MOSMO: variants seen among roughly 807,000 people sequenced by gnomAD.
MOSMO encodes modulator of smoothened protein.
In MOSMO, 5 loss-of-function variants were observed where a neutral mutation model predicts 18.4. The observed-to-expected ratio is 0.27, with a 90% CI of 0.14 to 0.57. The LOEUF (loss-of-function observed/expected upper bound fraction) is 0.57. MOSMO is among the 20% of genes least tolerant of loss of function. MOSMO has a pLI of 0.92. For missense variants in MOSMO, 138 were observed against 211.8 expected, an observed-to-expected ratio of 0.65 and a Z score of 2.16; for synonymous variants, 82 against 82.3, an observed-to-expected ratio of 1.00 and a Z score of 0.02.
At position 22,075,862 on chromosome 16, in the gene MOSMO, A is replaced by C. The variant is rs1464018623; in HGVS notation, c.319+163A>C. 15 of 571,388 alleles carry C rather than the reference A, an allele frequency of 2.6e-5. No homozygotes were observed. The East Asian group carries it at 4.5e-4, about 17-fold the overall frequency. 35.4% of individuals were successfully genotyped at this position (571,388 alleles called of 1,614,324 possible). A position where few individuals can be genotyped will look rare whatever the true frequency, so the allele number is the denominator to read the frequency against. On this transcript the variant is annotated intron_variant, in intron 2 of 2. Transcript: ENST00000542527. ...TCTACACAGTCCCATCATTTCTTCAAAACTCTTTCTGCAAGACCAGGACAT... is the reference window on the plus strand; with the variant it reads ...TCTACACAGTCCCATCATTTCTTCACAACTCTTTCTGCAAGACCAGGACAT...
At chr16:22,073,671 T>C (rs1350645469) in intron 1 of MOSMO, among the ~76,000 whole-genome samples, 2 of 151,884 alleles carry the variant, frequency 1.3e-5, no homozygotes, top group Admixed American at 1.3e-4. Context: ...ACCGTGAAAC[T>C]TAAAAGGTTA....
Position 22,020,201 on chromosome 16 carries a change from G to A in MOSMO, c.106+11794G>A, listed in dbSNP as rs566994824. Among the ~76,000 whole-genome samples the A allele has an allele frequency of 2.7e-4, 37 of 134,814 alleles. No individual in the cohort carries two copies. In the South Asian group the frequency reaches 4.5e-3, roughly 16 times the overall value. The allele number at this position is 134,814 out of a possible 152,430, so 88.4% of individuals were successfully genotyped here. A position where few individuals can be genotyped will look rare whatever the true frequency, so the allele number is the denominator to read the frequency against. ...GCACTCCAGCCTGGGCAACAAGAGC[G>A]AAAACTCCATCTCCAAAAAAAAAAA... On this transcript the variant is annotated intron_variant, in intron 1 of 2. Coordinates refer to ENST00000542527, the MANE Select transcript of MOSMO (RefSeq NM_001164579.2).
intron 1 of MOSMO, among the ~76,000 whole-genome samples, chr16:22,073,227 A>G (rs939602928): frequency 2.0e-5 from 3 of 152,034 alleles, no homozygotes; most frequent in Admixed American, 2.0e-4. Context: ...AATGTTTACC[A>G]GCAAAAAAAA....
At chr16:22,008,919 C>T (rs997702327) in intron 1 of MOSMO, among the ~76,000 whole-genome samples, 6 of 151,680 alleles carry the variant, frequency 4.0e-5, no homozygotes, top group African/African-American at 1.2e-4. Context: ...CAGGTCCGAC[C>T]CCAGACCCTC....
At chr16:22,042,963 G>C (rs1466704657) in intron 1 of MOSMO, among the ~76,000 whole-genome samples, 7 of 152,140 alleles carry the variant, frequency 4.6e-5, no homozygotes, top group African/African-American at 1.7e-4. Context: ...ACCCACCTCT[G>C]TCTTATTCCA....
intron 1 of MOSMO, among the ~76,000 whole-genome samples, chr16:22,057,501 G>C (rs1045336344): frequency 8.5e-5 from 13 of 152,158 alleles, no homozygotes; most frequent in Non-Finnish European, 4.4e-5. Flanking sequence ...ATGAATTTTG[G>C]GTTGCACATT....
Position 22,034,167 on chromosome 16 carries a change from C to T in MOSMO, c.106+25760C>T, listed in dbSNP as rs1014135918. 4.6e-5 allele frequency among the ~76,000 whole-genome samples: 7 copies of T among 152,324 alleles called. No homozygotes were observed. The East Asian group carries it at 5.8e-4, about 13-fold the overall frequency. On this transcript the variant is annotated intron_variant, in intron 1 of 2. Transcript: ENST00000542527. ...AATTCCTTTGTCCTCTTCCTTATTGCTGTCATTCATTTTACTTATCCATAA... is the reference window on the plus strand; with the variant it reads ...AATTCCTTTGTCCTCTTCCTTATTGTTGTCATTCATTTTACTTATCCATAA...
intron 1 of MOSMO, among the ~76,000 whole-genome samples, chr16:22,052,446 T>C (rs1456151234): frequency 6.6e-6 from 1 of 152,120 alleles, no homozygotes; most frequent in African/African-American, 2.4e-5. Flanking sequence ...TGGAAAACAA[T>C]TTGGTATTAT....
chr16:22,084,838 GC>G (rs1378574953), downstream of MOSMO, among the ~76,000 whole-genome samples: 1 of 152,102 alleles, frequency 6.6e-6, no homozygotes, highest in Non-Finnish European at 1.5e-5. Context: ...GAGAAGAGAT[GC>G]CATTAATATT....
chr16:22,041,037 C>T (rs1414946660), intron 1 of MOSMO, among the ~76,000 whole-genome samples: 5 of 152,162 alleles, frequency 3.3e-5, no homozygotes, highest in South Asian at 4.2e-4. Flanking sequence ...GAGATAGCTA[C>T]GAATATTACA....
At chr16:22,091,934 A>C (rs80135026), downstream of MOSMO, among the ~76,000 whole-genome samples, 1,470 of 152,282 alleles carry the variant, frequency 9.7e-3, 13 homozygotes, top group Middle Eastern at 0.048. Flanking sequence ...CATTGTTAAA[A>C]AGTCACATTC....
chr16:22,051,553 TACCAACA>T (rs1275030714), intron 1 of MOSMO, among the ~76,000 whole-genome samples: 2 of 152,146 alleles, frequency 1.3e-5, no homozygotes, highest in Admixed American at 1.3e-4. Context: ...TTAAGGGAAG[TACCAACA>T]ACAGCTCCAT....
At chr16:22,087,043 A>G (rs970449200), downstream of MOSMO, 2 of 152,198 alleles carry the variant, frequency 1.3e-5, no homozygotes, top group African/African-American at 4.8e-5. Flanking sequence ...TATCAGTTCC[A>G]TTGATCTCCT....
chr16:22,030,623 G>A (rs1158723428), intron 1 of MOSMO, among the ~76,000 whole-genome samples: 1 of 152,122 alleles, frequency 6.6e-6, no homozygotes, highest in Admixed American at 6.5e-5. Flanking sequence ...TGCGACCTCT[G>A]CCTCCCAGGT....
chr16:22,008,469 G>A, intron 1 of MOSMO, 62 bp downstream of exon 1: 4 of 1,084,994 alleles, frequency 3.7e-6, no homozygotes, highest in Non-Finnish European at 4.9e-6. Context: ...AGAGAGGGGA[G>A]ACCCGGACTG....
chr16:22,053,149 G>A (rs566914975), intron 1 of MOSMO, among the ~76,000 whole-genome samples: 6 of 149,744 alleles, frequency 4.0e-5, no homozygotes, highest in Non-Finnish European at 3.0e-5. Context: ...TTTTAGTAGC[G>A]ATGGGGTTTT....
At chr16:22,072,098 T>C (rs1900866138) in intron 1 of MOSMO, among the ~76,000 whole-genome samples, 1 of 152,140 alleles carries the variant, frequency 6.6e-6, no homozygotes, top group Admixed American at 6.5e-5. Context: ...AGTAAGTGCA[T>C]GGTTGTATGA....
chr16:22,023,035 C>G (rs1034649229), intron 1 of MOSMO, among the ~76,000 whole-genome samples: 1 of 152,156 alleles, frequency 6.6e-6, no homozygotes, highest in Non-Finnish European at 1.5e-5. Flanking sequence ...ATGGTATAAT[C>G]TTATTCATCT....
downstream of MOSMO, among the ~76,000 whole-genome samples, chr16:22,090,489 C>T (rs951527933): frequency 1.3e-5 from 2 of 152,284 alleles, no homozygotes; most frequent in Non-Finnish European, 2.9e-5. Context: ...TTAATCTTTT[C>T]GTTAGCTTAG....
Sources: allele counts gnomAD v4.1 joint callset (sites outside exome capture counted in the v4.1 genomes callset), GRCh38; gene constraint gnomAD v4.1.1; transcripts MANE v1.5; gene names NCBI Gene and HGNC (gene_info 2026-07-23, HGNC 2026-07-21).